The following UMODL1 variants were observed in gnomAD, a reference collection of about 807,000 sequenced individuals.
UMODL1 encodes uromodulin-like 1.
In UMODL1, 128 loss-of-function variants were observed where a neutral mutation model predicts 136.3. The observed-to-expected ratio is 0.94, with a 90% CI of 0.81 to 1.09. The LOEUF (loss-of-function observed/expected upper bound fraction) is 1.09, where lower values mean the gene tolerates loss of function less well. Among genes scored for constraint, UMODL1 ranks in the 50% least tolerant of loss-of-function variants. UMODL1 has a pLI of 0.00. For missense variants in UMODL1, 1,766 were observed against 1,725.6 expected (o/e 1.02, Z -0.41); for synonymous variants, 721 against 720.0 (o/e 1.00, Z -0.02).
chr21:42,127,380 A>C (rs368352240), intron 19 of UMODL1, 138 bp downstream of exon 19: 28 of 875,998 alleles, frequency 3.2e-5, no homozygotes, highest in East Asian at 2.7e-4. Context: ...TCAGGAGTGC[A>C]GGCACCCCTG....
intron 13 of UMODL1, among the ~76,000 whole-genome samples, chr21:42,115,460 G>C (rs2066890598): frequency 6.6e-6 from 1 of 152,248 alleles, no homozygotes; most frequent in African/African-American, 2.4e-5. Flanking sequence ...AGGGCCCTAA[G>C]TCCTGTTATA....
At chr21:42,083,444 C>T (rs561279910) in intron 2 of UMODL1, among the ~76,000 whole-genome samples, 2 of 152,314 alleles carry the variant, frequency 1.3e-5, no homozygotes, top group African/African-American at 2.4e-5. Context: ...TCACCTAGGT[C>T]GGCCCCCACC....
chr21:42,106,462 G>A (rs11203185), intron 9 of UMODL1, among the ~76,000 whole-genome samples: 4 of 152,008 alleles, frequency 2.6e-5, no homozygotes, highest in African/African-American at 9.7e-5. Context: ...ACTCCCTGCC[G>A]GTGCGTCCAC....
Position 42,111,091 on chromosome 21 carries a change from G to A in UMODL1, c.1869G>A (p.Arg623=). ...GCAGCAATGTGGTCGGGTATGACAG[G>A]AACAACACAGGAAAAGGCGTGGAGC... ...RGGSNVVGYD[R]NNTGKGVEQE... Residue 623 remains arginine (R), a synonymous_variant, in exon 11 of 23, where the codon AGG becomes AGA. Transcript: ENST00000408910. The A allele has an allele frequency of 6.2e-7, 1 of 1,612,816 alleles. No homozygotes were observed. The highest frequency in any genetic ancestry group is 8.5e-7 in the Non-Finnish European group (1 of 1,179,642).
At chr21:42,141,727 C>T (rs768081217) in intron 22 of UMODL1, among the ~76,000 whole-genome samples, 9 of 152,144 alleles carry the variant, frequency 5.9e-5, no homozygotes, top group African/African-American at 2.2e-4. Flanking sequence ...CCCACCAGGT[C>T]GACCCTTGGG....
intron 20 of UMODL1, among the ~76,000 whole-genome samples, chr21:42,129,500 G>T (rs750934365): frequency 6.6e-6 from 1 of 152,062 alleles, no homozygotes; most frequent in South Asian, 2.1e-4. Context: ...TTCCTTCCCC[G>T]CTGACGCCTG....
At chr21:42,130,385 T>C (rs897008296) in intron 21 of UMODL1, among the ~76,000 whole-genome samples, 3 of 152,232 alleles carry the variant, frequency 2.0e-5, no homozygotes, top group Non-Finnish European at 2.9e-5. Context: ...ACATCAACTT[T>C]CCAGAAAAAC....
chr21:42,113,402 C>T (rs58873815), intron 12 of UMODL1, among the ~76,000 whole-genome samples, 171 bp from the exon 13 acceptor site: 4,287 of 152,300 alleles, frequency 0.028, 187 homozygotes, highest in African/African-American at 0.094. Flanking sequence ...CCAGGAAGCC[C>T]GGGCTTGGGA....
chr21:42,104,778 G>A (rs1038929754), intron 9 of UMODL1, among the ~76,000 whole-genome samples: 15 of 152,212 alleles, frequency 9.9e-5, no homozygotes, highest in African/African-American at 3.6e-4. Flanking sequence ...TACGCTGTGT[G>A]TTATTTCATT....
chr21:42,071,143 G>A (rs941556908), upstream of UMODL1, among the ~76,000 whole-genome samples: 2 of 152,176 alleles, frequency 1.3e-5, no homozygotes, highest in African/African-American at 4.8e-5. Context: ...CAGGCATAAG[G>A]GACTGCTCCC....
chr21:42,064,193 C>T (rs2146401215), intron 1 of UMODL1, among the ~76,000 whole-genome samples: 1 of 152,282 alleles, frequency 6.6e-6, no homozygotes, highest in African/African-American at 2.4e-5. Flanking sequence ...GCAGGTCCCT[C>T]CTCTGATCTG....
intron 1 of UMODL1, among the ~76,000 whole-genome samples, chr21:42,072,222 C>T (rs951834446): frequency 6.6e-6 from 1 of 152,210 alleles, no homozygotes; most frequent in Non-Finnish European, 1.5e-5. Context: ...GAGAGCAGGG[C>T]AGCTTCTTAA....
chr21:42,075,761 G>A (rs1023828507), intron 1 of UMODL1, among the ~76,000 whole-genome samples: 3 of 152,242 alleles, frequency 2.0e-5, no homozygotes, highest in South Asian at 2.1e-4. Flanking sequence ...CGGTCACAGC[G>A]GCTTTCTTAG....
At chr21:42,110,824 G>A (rs2146502309) in intron 10 of UMODL1, 56 bp from the exon 11 acceptor site, 1 of 1,497,510 alleles carries the variant, frequency 6.7e-7, no homozygotes, top group East Asian at 2.3e-5. Context: ...CTCCTGGGAG[G>A]GCTCTTACTC....
chr21:42,102,077 C>T, intron 7 of UMODL1, 89 bp from the exon 8 acceptor site: 1 of 957,756 alleles, frequency 1.0e-6, no homozygotes, highest in Non-Finnish European at 1.6e-6. Flanking sequence ...AAAAAATTAT[C>T]CCGCCAAAGA....
At chr21:42,108,856 A>G (rs2066763996) in intron 9 of UMODL1, among the ~76,000 whole-genome samples, 1 of 151,232 alleles carries the variant, frequency 6.6e-6, no homozygotes, top group Non-Finnish European at 1.5e-5. Flanking sequence ...TTCATGTTGT[A>G]CTCCGCTGGA....
At chr21:42,064,601 G>C (rs1220408989) in intron 1 of UMODL1, among the ~76,000 whole-genome samples, 1 of 152,120 alleles carries the variant, frequency 6.6e-6, no homozygotes, top group Non-Finnish European at 1.5e-5. Context: ...TAGTTGCCCA[G>C]GCTGGAGTGC....
intron 21 of UMODL1, among the ~76,000 whole-genome samples, chr21:42,130,809 C>CTT (rs776779498): frequency 2.8e-4 from 39 of 139,548 alleles, no homozygotes; most frequent in Middle Eastern, 3.6e-3. Flanking sequence ...CTGACCTCCA[C>CTT]TTTTTTTTTT....
chr21:42,083,942 C>CCCGAA, intron 2 of UMODL1, 142 bp from the exon 3 acceptor site: 3 of 1,023,426 alleles, frequency 2.9e-6, no homozygotes, highest in Non-Finnish European at 4.3e-6. Flanking sequence ...GGGTGTCTGC[C>CCCGAA]CAGGCATGGG....
Sources: gnomAD v4.1 joint callset for allele counts (sites outside exome capture counted in the v4.1 genomes callset) on GRCh38, gnomAD v4.1.1 for gene constraint, MANE v1.5 for transcripts, NCBI Gene and HGNC (gene_info 2026-07-23, HGNC 2026-07-21) for gene names.